Variants in GPC6 observed in about 807,000 individuals in gnomAD.
The protein encoded by GPC6 is glypican 6.
In GPC6, 14 loss-of-function variants were observed where a neutral mutation model predicts 55.2. The observed-to-expected ratio is 0.25, with a 90% CI of 0.17 to 0.40. The LOEUF (loss-of-function observed/expected upper bound fraction) is 0.40, where lower values mean the gene tolerates loss of function less well. Ranked by LOEUF, GPC6 falls within the 10% of genes least tolerant of loss-of-function variation. The pLI is 1.00. For synonymous variants in GPC6, 278 were observed against 259.6 expected (o/e 1.07, Z -0.68); for missense variants, 641 against 708.5 (o/e 0.90, Z 1.08).
In GPC6 at chr13:93,366,283, G is replaced by A. The variant is rs577260769; in HGVS notation, c.160+138667G>A. 2.0e-5 allele frequency among the ~76,000 whole-genome samples: 3 copies of A among 152,176 alleles called. No homozygotes were observed. In the East Asian group the frequency reaches 5.8e-4, roughly 29 times the overall value. On this transcript the variant is annotated intron_variant, in intron 1 of 8. Coordinates refer to ENST00000377047, the MANE Select transcript of GPC6 (RefSeq NM_005708.5). Reference sequence around the variant, plus strand: ...TGAAAGCAAATAGAAGTGCTAGACAGTGCCCTTAGATACCTTGTAGTTTAA... The same window carrying A: ...TGAAAGCAAATAGAAGTGCTAGACAATGCCCTTAGATACCTTGTAGTTTAA...
intron 2 of GPC6, among the ~76,000 whole-genome samples, chr13:93,753,466 A>G (rs1884669067): frequency 4.6e-5 from 7 of 152,060 alleles, no homozygotes; most frequent in Admixed American, 4.6e-4. Context: ...ATGGGTACAT[A>G]GTAGGTGTAT....
At chr13:94,055,615 C>T (rs1884103497) in intron 4 of GPC6, among the ~76,000 whole-genome samples, 2 of 152,056 alleles carry the variant, frequency 1.3e-5, no homozygotes, top group African/African-American at 2.4e-5. Flanking sequence ...TTAATGGGTA[C>T]ACTTTTTAGC....
chr13:93,425,947 C>T (rs958250712), intron 1 of GPC6, among the ~76,000 whole-genome samples: 18 of 152,162 alleles, frequency 1.2e-4, no homozygotes, highest in African/African-American at 3.4e-4. Context: ...TTTCTCCTCC[C>T]GCCAAATGAC....
chr13:93,629,143 C>G (rs186495672), intron 2 of GPC6, among the ~76,000 whole-genome samples: 91 of 152,152 alleles, frequency 6.0e-4, no homozygotes, highest in African/African-American at 1.7e-3. Flanking sequence ...AGTCTCTGAG[C>G]TCTGCTTAGC....
At chr13:93,636,763 A>C (rs1879719697) in intron 2 of GPC6, among the ~76,000 whole-genome samples, 1 of 152,150 alleles carries the variant, frequency 6.6e-6, no homozygotes, top group Non-Finnish European at 1.5e-5. Flanking sequence ...GGGAGAGATA[A>C]ATTATTACTG....
At chr13:93,599,709 G>GT (rs1156965654) in intron 2 of GPC6, among the ~76,000 whole-genome samples, 2 of 152,096 alleles carry the variant, frequency 1.3e-5, no homozygotes, top group East Asian at 1.9e-4. Flanking sequence ...CACTGTTACT[G>GT]TTTTTTATCT....
intron 3 of GPC6, among the ~76,000 whole-genome samples, chr13:93,843,684 C>G (rs937659868): frequency 6.6e-6 from 1 of 152,096 alleles, no homozygotes; most frequent in Non-Finnish European, 1.5e-5. Flanking sequence ...GAAGATAAAA[C>G]AACCCTGAGC....
intron 5 of GPC6, among the ~76,000 whole-genome samples, chr13:94,292,917 G>A (rs926384135): frequency 1.1e-4 from 16 of 152,120 alleles, no homozygotes; most frequent in African/African-American, 3.4e-4. Flanking sequence ...GAGGCGCATT[G>A]AGATTATTTC....
At chr13:93,453,849 G>A (rs1394841426) in intron 1 of GPC6, among the ~76,000 whole-genome samples, 4 of 152,062 alleles carry the variant, frequency 2.6e-5, no homozygotes, top group Non-Finnish European at 5.9e-5. Context: ...TTATTGCAAA[G>A]AGCAAAAGAA....
intron 3 of GPC6, among the ~76,000 whole-genome samples, chr13:93,837,125 AT>A (rs1239356970): frequency 6.6e-6 from 1 of 152,196 alleles, no homozygotes; most frequent in East Asian, 1.9e-4. Context: ...GAAGCTATCT[AT>A]TTCCAATGAA....
intron 2 of GPC6, among the ~76,000 whole-genome samples, chr13:93,557,606 C>T (rs1875549043): frequency 1.3e-5 from 2 of 152,122 alleles, no homozygotes; most frequent in South Asian, 4.1e-4. Context: ...TGGCTGAAAA[C>T]CTTTTACTAA....
chr13:93,751,832 A>G (rs189474598), intron 2 of GPC6, among the ~76,000 whole-genome samples: 2 of 152,208 alleles, frequency 1.3e-5, no homozygotes, highest in African/African-American at 4.8e-5. Flanking sequence ...TTTTAGTGGA[A>G]GGATTTCTCT....
intron 2 of GPC6, among the ~76,000 whole-genome samples, chr13:93,554,450 T>G (rs145088152): frequency 6.6e-6 from 1 of 152,292 alleles, no homozygotes; most frequent in African/African-American, 2.4e-5. Context: ...AAATGAGGCT[T>G]AATCTTTAAA....
chr13:94,290,040 A>G (rs952065659), intron 5 of GPC6, among the ~76,000 whole-genome samples: 1 of 152,180 alleles, frequency 6.6e-6, no homozygotes, highest in African/African-American at 2.4e-5. Flanking sequence ...TGGCACAAAA[A>G]CAATGCTAGC....
intron 2 of GPC6, among the ~76,000 whole-genome samples, chr13:93,795,407 T>C (rs1024658982): frequency 6.6e-6 from 1 of 152,196 alleles, no homozygotes; most frequent in Non-Finnish European, 1.5e-5. Flanking sequence ...AGGAATAGCT[T>C]TTGGAGAATG....
chr13:94,257,597 T>C (rs1288581239), intron 4 of GPC6, among the ~76,000 whole-genome samples: 1 of 152,046 alleles, frequency 6.6e-6, no homozygotes, highest in Non-Finnish European at 1.5e-5. Flanking sequence ...CAAACCACCC[T>C]GAGAAATAGA....
intron 5 of GPC6, among the ~76,000 whole-genome samples, chr13:94,302,688 C>T (rs1181331605): frequency 1.3e-5 from 2 of 152,152 alleles, no homozygotes; most frequent in East Asian, 3.9e-4. Context: ...TGAAAAATAG[C>T]TCTTGATCCC....
chr13:94,189,395 A>G (rs996218263), intron 4 of GPC6, among the ~76,000 whole-genome samples: 1 of 152,298 alleles, frequency 6.6e-6, no homozygotes, highest in Admixed American at 6.5e-5. Flanking sequence ...CAAGCCTGGA[A>G]AGAGAACAGG....
At chr13:93,938,810 A>G (rs1030723579) in intron 3 of GPC6, among the ~76,000 whole-genome samples, 3 of 152,226 alleles carry the variant, frequency 2.0e-5, no homozygotes, top group Non-Finnish European at 4.4e-5. Context: ...GTAATTAAAA[A>G]TGAAGGTGCA....
Sources: gnomAD v4.1 joint callset for allele counts (sites outside exome capture counted in the v4.1 genomes callset) on GRCh38, gnomAD v4.1.1 for gene constraint, MANE v1.5 for transcripts, NCBI Gene and HGNC (gene_info 2026-07-23, HGNC 2026-07-21) for gene names.